Variants in NELL1 observed in about 807,000 individuals in gnomAD.
NELL1 encodes the protein neural EGFL like 1.
A neutral mutation model predicts 107.4 loss-of-function variants in NELL1; 76 were observed. The observed-to-expected ratio is 0.71, with a 90% CI of 0.59 to 0.86. NELL1 has a LOEUF of 0.86. Ranked by LOEUF, NELL1 falls within the 40% of genes least tolerant of loss-of-function variation. The pLI is 0.00. For missense variants in NELL1, 1,024 were observed against 1,005.5 expected (o/e 1.02, Z -0.25); for synonymous variants, 353 against 341.2 (o/e 1.03, Z -0.38).
chr11:21,495,033 T>C (rs557626305), intron 15 of NELL1, among the ~76,000 whole-genome samples: 1 of 152,244 alleles, frequency 6.6e-6, no homozygotes, highest in East Asian at 1.9e-4. Flanking sequence ...ATATCATACA[T>C]TTAACCCATG....
At chr11:21,533,141 T>C (rs994936384) in intron 15 of NELL1, among the ~76,000 whole-genome samples, 1 of 152,134 alleles carries the variant, frequency 6.6e-6, no homozygotes, top group Non-Finnish European at 1.5e-5. Context: ...AAGGTGACCA[T>C]TGAGTTGGAG....
At chr11:21,142,169 A>G (rs1194376474) in intron 13 of NELL1, among the ~76,000 whole-genome samples, 1 of 152,184 alleles carries the variant, frequency 6.6e-6, no homozygotes, top group East Asian at 1.9e-4. Flanking sequence ...TTCCATCCCT[A>G]TAAAATTCTA....
intron 3 of NELL1, among the ~76,000 whole-genome samples, chr11:20,800,348 C>T (rs1857257853): frequency 6.6e-6 from 1 of 152,180 alleles, no homozygotes; most frequent in African/African-American, 2.4e-5. Context: ...CACAGTCTCA[C>T]CAGCATCTGT....
At chr11:20,830,664 G>A (rs1332172371) in intron 3 of NELL1, among the ~76,000 whole-genome samples, 1 of 152,110 alleles carries the variant, frequency 6.6e-6, no homozygotes, top group Non-Finnish European at 1.5e-5. Flanking sequence ...GACTCTTGGT[G>A]TAATAAAAAG....
chr11:21,401,478 CCTA>C (rs1212491552), intron 15 of NELL1, among the ~76,000 whole-genome samples: 1 of 151,760 alleles, frequency 6.6e-6, no homozygotes, highest in Non-Finnish European at 1.5e-5. Context: ...TGTCCTGCAT[CCTA>C]CTAACATCAG....
At chr11:20,879,212 G>C (rs1175997376) in intron 4 of NELL1, among the ~76,000 whole-genome samples, 2 of 152,090 alleles carry the variant, frequency 1.3e-5, no homozygotes, top group East Asian at 1.9e-4. Flanking sequence ...CCAGAGTCTT[G>C]AAGACCCCTG....
intron 2 of NELL1, among the ~76,000 whole-genome samples, chr11:20,748,745 T>C (rs1266674406): frequency 2.0e-5 from 3 of 152,372 alleles, no homozygotes; most frequent in African/African-American, 7.2e-5. Flanking sequence ...TATTTTGTTC[T>C]TTTTATGGCT....
At chr11:20,695,900 G>A (rs571770832) in intron 2 of NELL1, among the ~76,000 whole-genome samples, 1 of 139,096 alleles carries the variant, frequency 7.2e-6, no homozygotes, top group South Asian at 2.1e-4. Flanking sequence ...AATCCATCTG[G>A]CCTGGGCTTT....
chr11:21,364,596 A>G (rs997489150), intron 14 of NELL1, among the ~76,000 whole-genome samples: 4 of 152,178 alleles, frequency 2.6e-5, no homozygotes, highest in Non-Finnish European at 5.9e-5. Flanking sequence ...AGAAAATATC[A>G]GAATGCATTA....
At chr11:21,277,622 C>A (rs1033067604) in intron 14 of NELL1, among the ~76,000 whole-genome samples, 1 of 152,176 alleles carries the variant, frequency 6.6e-6, no homozygotes, top group East Asian at 1.9e-4. Context: ...CGGCACTATT[C>A]ATAATAGCAA....
At chr11:20,712,900 C>G (rs1327955418) in intron 2 of NELL1, among the ~76,000 whole-genome samples, 1 of 152,210 alleles carries the variant, frequency 6.6e-6, no homozygotes, top group Non-Finnish European at 1.5e-5. Context: ...AAAATAGACT[C>G]TATGGGAGTC....
chr11:20,699,449 C>A (rs35182874), intron 2 of NELL1, among the ~76,000 whole-genome samples: 3 of 151,754 alleles, frequency 2.0e-5, no homozygotes, highest in African/African-American at 4.8e-5. Flanking sequence ...CAACCTCTAC[C>A]TCCTGGGTTC....
chr11:20,863,511 C>T (rs548404356), intron 4 of NELL1, among the ~76,000 whole-genome samples: 81 of 119,656 alleles, frequency 6.8e-4, no homozygotes, highest in African/African-American at 2.5e-3. Context: ...CAGACGGGGT[C>T]GCGGCCGGGC....
At chr11:20,836,648 G>C (rs1590337898) in intron 3 of NELL1, among the ~76,000 whole-genome samples, 1 of 151,594 alleles carries the variant, frequency 6.6e-6, no homozygotes, top group South Asian at 2.1e-4. Flanking sequence ...GATCCTATTT[G>C]GATGAATCTT....
chr11:21,256,985 C>G (rs1333104145), intron 14 of NELL1, among the ~76,000 whole-genome samples: 1 of 151,948 alleles, frequency 6.6e-6, no homozygotes, highest in Non-Finnish European at 1.5e-5. Flanking sequence ...CCAAATTTAT[C>G]TCACTCAGGC....
chr11:21,410,248 T>C (rs1852342833), intron 15 of NELL1, among the ~76,000 whole-genome samples: 1 of 152,066 alleles, frequency 6.6e-6, no homozygotes. Context: ...ATGTCTACAG[T>C]GCATCAAGTA....
At chr11:21,442,942 CTTTTTT>C (rs66501874) in intron 15 of NELL1, among the ~76,000 whole-genome samples, 25 of 57,592 alleles carry the variant, frequency 4.3e-4, no homozygotes, top group Admixed American at 2.5e-3. Context: ...GCTATCTTTC[CTTTTTT>C]TTTTTTTTTT....
intron 1 of NELL1, among the ~76,000 whole-genome samples, chr11:20,673,507 C>A (rs1012119584): frequency 8.5e-5 from 13 of 152,188 alleles, no homozygotes; most frequent in Non-Finnish European, 1.9e-4. Context: ...GCTGGAAAGC[C>A]TATGTCTGGG....
At chr11:21,161,000 T>TACACACACACACACAC (rs72029062) in intron 13 of NELL1, among the ~76,000 whole-genome samples, 1 of 143,138 alleles carries the variant, frequency 7.0e-6, no homozygotes, top group Non-Finnish European at 1.5e-5. Flanking sequence ...CTAGCCTTTA[T>TACACACACACACACAC]ACACACACAC....
Sources: gnomAD v4.1 joint callset for allele counts (sites outside exome capture counted in the v4.1 genomes callset) on GRCh38, gnomAD v4.1.1 for gene constraint, MANE v1.5 for transcripts, NCBI Gene and HGNC (gene_info 2026-07-23, HGNC 2026-07-21) for gene names.